Variants in IL5RA observed in about 807,000 individuals in gnomAD.
IL5RA encodes interleukin-5 receptor subunit alpha.
A neutral mutation model predicts 50.0 loss-of-function variants in IL5RA; 49 were observed. That is an observed-to-expected ratio of 0.98 (90% CI 0.78 to 1.24). The LOEUF (loss-of-function observed/expected upper bound fraction) is 1.24, where lower values mean the gene tolerates loss of function less well. IL5RA is among the 50% of genes most tolerant of loss of function. The pLI is 0.00. For missense variants in IL5RA, 600 were observed against 500.4 expected, an observed-to-expected ratio of 1.20 and a Z score of -1.90; for synonymous variants, 202 against 174.0, an observed-to-expected ratio of 1.16 and a Z score of -1.26.
intron 9 of IL5RA, among the ~76,000 whole-genome samples, chr3:3,083,549 G>A (rs1261450616): frequency 6.6e-6 from 1 of 152,174 alleles, no homozygotes; most frequent in Non-Finnish European, 1.5e-5. Context: ...GAAGTTGAGT[G>A]GGGAATTCCT....
intron 11 of IL5RA, among the ~76,000 whole-genome samples, chr3:3,074,362 A>C (rs1702406062): frequency 6.6e-6 from 1 of 152,244 alleles, no homozygotes; most frequent in Non-Finnish European, 1.5e-5. Context: ...GAGATTGTCC[A>C]AAGTCAGTTA....
At chr3:3,101,214 A>G (rs987165961) in intron 5 of IL5RA, among the ~76,000 whole-genome samples, 1 of 150,936 alleles carries the variant, frequency 6.6e-6, no homozygotes, top group African/African-American at 2.4e-5. Context: ...GAAGATCTTT[A>G]TGTTTCTGTT....
chr3:3,103,216 C>A lies in IL5RA; in HGVS notation c.83-396G>T, dbSNP rs79675774. On this transcript the variant is annotated intron_variant, in intron 3 of 11. Transcript: ENST00000446632. ...GTTTCTTCAAAACTGTTTTTAATAT[C>A]TTTTTTACGTTGCCCATGTCCAGGT... is the stretch of plus-strand genomic sequence containing the variant. Among the ~76,000 whole-genome samples the A allele has an allele frequency of 8.7e-4, 133 of 152,306 alleles. 1 individual carries two copies. The highest frequency in any genetic ancestry group is 3.1e-3 in the African/African-American group (130 of 41,576).
intron 9 of IL5RA, among the ~76,000 whole-genome samples, chr3:3,078,531 C>T (rs1356838803): frequency 6.6e-6 from 1 of 152,148 alleles, no homozygotes; most frequent in Non-Finnish European, 1.5e-5. Flanking sequence ...CTTTATTTCC[C>T]AGTCTAAATT....
Position 3,098,048 on chromosome 3 carries a change from A to G in IL5RA, c.531T>C (p.Ser177=). 6.2e-7 allele frequency: 1 copy of G among 1,614,238 alleles called. No individual in the cohort carries two copies. The highest frequency in any genetic ancestry group is 1.7e-5 in the Admixed American group (1 of 60,028). The change falls in exon 7 of 12, where the codon TCT becomes TCC. Residue 177 remains serine (S), a synonymous_variant. Coordinates refer to ENST00000446632, the MANE Select transcript of IL5RA (RefSeq NM_175726.4). The part of the protein sequence containing the change: ...TQYFLYYRYG[S]WTEECQEYSK... Reference sequence around the variant, plus strand: ...TGTATTCTTGGCATTCTTCAGTCCAAGAGCCATACCTAAATTGGAACATTT... The same window carrying G: ...TGTATTCTTGGCATTCTTCAGTCCAGGAGCCATACCTAAATTGGAACATTT...
rs951283926 is a variant in IL5RA at position 3,066,904 on chromosome 3, C to T, written c.*3321G>A. Reference sequence around the variant, plus strand: ...AGGAAAGAAATTGGGCTAAAAATCCCTATTGGAACGGATATCTTGGAAAAG... The same window carrying T: ...AGGAAAGAAATTGGGCTAAAAATCCTTATTGGAACGGATATCTTGGAAAAG... On this transcript the variant is annotated 3_prime_UTR_variant, in exon 12 of 12. Coordinates refer to ENST00000446632, the MANE Select transcript of IL5RA (RefSeq NM_175726.4). 3 of 152,218 alleles carry T rather than the reference C, an allele frequency of 2.0e-5. No homozygotes were observed. The highest frequency in any genetic ancestry group is 4.4e-5 in the Non-Finnish European group (3 of 68,058). 9.4% of individuals were successfully genotyped at this position (152,218 alleles called of 1,614,324 possible). A position where few individuals can be genotyped will look rare whatever the true frequency, so the allele number is the denominator to read the frequency against.
chr3:3,100,365 AAG>A (rs1553753003), intron 5 of IL5RA, among the ~76,000 whole-genome samples: 6 of 151,082 alleles, frequency 4.0e-5, no homozygotes, highest in South Asian at 2.1e-4. Flanking sequence ...CACAGACAAA[AAG>A]AAGAACTACC....
intron 9 of IL5RA, among the ~76,000 whole-genome samples, chr3:3,087,556 T>A (rs9822977): frequency 0.019 from 2,848 of 152,204 alleles, 78 homozygotes; most frequent in African/African-American, 0.062. Context: ...AAATTGTATA[T>A]TAATAGCCAC....
chr3:3,071,466 T>C (rs961123496), intron 11 of IL5RA, among the ~76,000 whole-genome samples: 4 of 152,194 alleles, frequency 2.6e-5, no homozygotes, highest in Admixed American at 1.3e-4. Context: ...ATTGTCTAAA[T>C]AAGTAAATTA....
chr3:3,100,613 T>C (rs1489074324), intron 5 of IL5RA, among the ~76,000 whole-genome samples: 1 of 152,208 alleles, frequency 6.6e-6, no homozygotes, highest in Non-Finnish European at 1.5e-5. Context: ...ACAGAAATAA[T>C]TTTTATTAGT....
At chr3:3,091,514 C>G (rs1238449612) in intron 9 of IL5RA, among the ~76,000 whole-genome samples, 1 of 152,116 alleles carries the variant, frequency 6.6e-6, no homozygotes, top group East Asian at 1.9e-4. Flanking sequence ...GGTGGATCAC[C>G]TGAAGTCAGG....
Position 3,071,229 on chromosome 3 carries a change from T to G in IL5RA, c.1177-918A>C, listed in dbSNP as rs537714073. ...ACACAGCAGGCATGGCTCCTGCCTTTATCCATTTTACTGTTAATAGTTTAC... is the reference window on the plus strand; with the variant it reads ...ACACAGCAGGCATGGCTCCTGCCTTGATCCATTTTACTGTTAATAGTTTAC... On this transcript the variant is annotated intron_variant, in intron 11 of 11. Transcript: ENST00000446632. Among the ~76,000 whole-genome samples the G allele has an allele frequency of 2.7e-3, 411 of 152,346 alleles. 2 individuals are homozygous for G. The highest frequency in any genetic ancestry group is 4.1e-3 in the Non-Finnish European group (276 of 68,032).
intron 9 of IL5RA, among the ~76,000 whole-genome samples, chr3:3,091,266 G>C (rs1274984141): frequency 6.6e-6 from 1 of 152,168 alleles, no homozygotes; most frequent in African/African-American, 2.4e-5. Flanking sequence ...AAGAGATGGA[G>C]AACAGACTAC....
chr3:3,096,608 T>G (rs1326453606), intron 7 of IL5RA, among the ~76,000 whole-genome samples: 1 of 152,206 alleles, frequency 6.6e-6, no homozygotes. Context: ...GAAAAATGAA[T>G]TCCTGTGGTC....
At chr3:3,082,093 T>C (rs1218058723) in intron 9 of IL5RA, among the ~76,000 whole-genome samples, 1 of 152,166 alleles carries the variant, frequency 6.6e-6, no homozygotes, top group African/African-American at 2.4e-5. Flanking sequence ...GCCAGTACAT[T>C]AGTGAATTAA....
chr3:3,103,740 T>A (rs78820561), intron 3 of IL5RA, among the ~76,000 whole-genome samples: 23,429 of 152,242 alleles, frequency 0.15, 2,159 homozygotes, highest in Middle Eastern at 0.26. Flanking sequence ...ATAAATTTTT[T>A]AAAATAATTG....
At chr3:3,109,565 C>T (rs1161498038) in intron 1 of IL5RA, among the ~76,000 whole-genome samples, 1 of 152,132 alleles carries the variant, frequency 6.6e-6, no homozygotes. Flanking sequence ...ACTAACAAAA[C>T]CATAGGTGTT....
At chr3:3,076,463 C>A in intron 10 of IL5RA, 68 bp downstream of exon 10, 1 of 974,078 alleles carries the variant, frequency 1.0e-6, no homozygotes, top group Non-Finnish European at 1.6e-6. Context: ...CTACCGGATG[C>A]ATGGTAAGCC....
At chr3:3,097,401 G>A (rs1375789982) in intron 7 of IL5RA, among the ~76,000 whole-genome samples, 2 of 152,150 alleles carry the variant, frequency 1.3e-5, no homozygotes, top group Non-Finnish European at 2.9e-5. Flanking sequence ...CACCTGGGGT[G>A]GCACTAGTCC....
Sources: allele counts gnomAD v4.1 joint callset (sites outside exome capture counted in the v4.1 genomes callset), GRCh38; gene constraint gnomAD v4.1.1; transcripts MANE v1.5; gene names NCBI Gene and HGNC (gene_info 2026-07-23, HGNC 2026-07-21).